APOBEC1: variants seen among roughly 807,000 people sequenced by gnomAD.
APOBEC1 encodes the protein apolipoprotein B mRNA editing enzyme catalytic subunit 1, also known as C->U-editing enzyme APOBEC-1.
APOBEC1 carries 22 observed loss-of-function variants against 26.3 expected under a neutral mutation model. The ratio of observed to expected loss-of-function variants is 0.84; its 90% CI spans 0.60 to 1.19. APOBEC1 has a LOEUF of 1.19. Ranked by LOEUF, APOBEC1 falls within the 50% of genes most tolerant of loss-of-function variation. The pLI is 0.00. For synonymous variants in APOBEC1, 77 were observed against 95.3 expected, an observed-to-expected ratio of 0.81 and a Z score of 1.12; for missense variants, 253 against 289.0, an observed-to-expected ratio of 0.88 and a Z score of 0.90.
chr12:7,659,021 G>A (rs1215810242), intron 1 of APOBEC1, among the ~76,000 whole-genome samples: 6 of 147,680 alleles, frequency 4.1e-5, no homozygotes, highest in Admixed American at 2.7e-4. Flanking sequence ...TAGGCCGGGC[G>A]CGGTGGCTCA....
intron 1 of APOBEC1, among the ~76,000 whole-genome samples, chr12:7,658,278 G>A (rs1344362987): frequency 6.6e-6 from 1 of 152,116 alleles, no homozygotes; most frequent in African/African-American, 2.4e-5. Flanking sequence ...TGGCCAGGCT[G>A]GTCTCAAACT....
At chr12:7,664,043 CGTT>C (rs964406243) in intron 1 of APOBEC1, among the ~76,000 whole-genome samples, 1 of 152,012 alleles carries the variant, frequency 6.6e-6, no homozygotes, top group African/African-American at 2.4e-5. Flanking sequence ...TTAATAGAGA[CGTT>C]GTTTCTCCAT....
rs773343167 is a variant in APOBEC1 at position 7,655,404 on chromosome 12, A to G, written c.17-772T>C. Among the ~76,000 whole-genome samples the G allele has an allele frequency of 2.0e-5, 3 of 151,902 alleles. No homozygotes were observed. In the East Asian group the frequency reaches 5.8e-4, roughly 29 times the overall value. ...GTGGCGCATGCCTGTAATCCCAGCT[A>G]CTTGGGAGGCTGAGGCAGGAGAATT... is the stretch of plus-strand genomic sequence containing the variant. On this transcript the variant is annotated intron_variant, in intron 1 of 4. Coordinates refer to ENST00000229304, the MANE Select transcript of APOBEC1 (RefSeq NM_001644.5).
Position 7,657,652 on chromosome 12 carries a change from C to T in APOBEC1, c.17-3020G>A, listed in dbSNP as rs187644053. Among the ~76,000 whole-genome samples, 418 of 151,834 alleles carry T rather than the reference C, an allele frequency of 2.8e-3. 4 individuals are homozygous for T. The highest frequency in any genetic ancestry group is 6.9e-3 in the African/African-American group (287 of 41,472). ...CTTTGGGAGGCCAAGGCAAGATGGT[C>T]GCTTAAGCCTAAGATATCAAGGCCA... is the stretch of plus-strand genomic sequence containing the variant. On this transcript the variant is annotated intron_variant, in intron 1 of 4. Transcript: ENST00000229304.
chr12:7,662,341 G>C (rs1592063127), intron 1 of APOBEC1, among the ~76,000 whole-genome samples: 2 of 152,220 alleles, frequency 1.3e-5, no homozygotes, highest in East Asian at 3.9e-4. Flanking sequence ...CAGCACTTTT[G>C]GGAGGCCAAG....
Position 7,649,504 on chromosome 12 carries a change from C to T in APOBEC1, c.*43G>A. The T allele has an allele frequency of 6.3e-7, 1 of 1,593,436 alleles. No individual in the cohort carries two copies. On this transcript the variant is annotated 3_prime_UTR_variant, in exon 5 of 5. Coordinates refer to ENST00000229304, the MANE Select transcript of APOBEC1 (RefSeq NM_001644.5). ...TGGCATTCACTCTTTAGTGGGTCAT[C>T]ATTGCTTGTTCTTGAATCAGTACAC...
intron 1 of APOBEC1, among the ~76,000 whole-genome samples, chr12:7,661,738 G>T (rs1007640844): frequency 2.0e-5 from 3 of 152,290 alleles, no homozygotes; most frequent in African/African-American, 7.2e-5. Flanking sequence ...GGGACCTCAA[G>T]TGGACACAGA....
At chr12:7,659,597 C>T (rs1410941785) in intron 1 of APOBEC1, among the ~76,000 whole-genome samples, 1 of 151,906 alleles carries the variant, frequency 6.6e-6, no homozygotes, top group Non-Finnish European at 1.5e-5. Context: ...ATCTGTCATA[C>T]TTTGCTGGTG....
At chr12:7,650,938 G>C in intron 4 of APOBEC1, 85 bp downstream of exon 4, 1 of 937,088 alleles carries the variant, frequency 1.1e-6, no homozygotes. Flanking sequence ...TCAAAAAGAA[G>C]ATATGAGTCA....
At chr12:7,659,399 G>A (rs911904621) in intron 1 of APOBEC1, among the ~76,000 whole-genome samples, 22 of 90,950 alleles carry the variant, frequency 2.4e-4, no homozygotes, top group African/African-American at 7.8e-4. Flanking sequence ...ACACACAAAA[G>A]GAACTACCGG....
chr12:7,658,045 C>CTGTTTTGTTCTGTTT (rs1863740164), intron 1 of APOBEC1, among the ~76,000 whole-genome samples: 1 of 149,596 alleles, frequency 6.7e-6, no homozygotes, highest in Non-Finnish European at 1.5e-5. Context: ...TTGATTTGTT[C>CTGTTTTGTTCTGTTT]TGTTTTGTTT....
upstream of APOBEC1, among the ~76,000 whole-genome samples, chr12:7,666,364 G>T (rs1863892236): frequency 6.6e-6 from 1 of 151,574 alleles, no homozygotes; most frequent in South Asian, 2.1e-4. Context: ...CACAATCTTG[G>T]CTCACTGCAA....
Position 7,649,536 on chromosome 12 carries a change from A to C in APOBEC1, c.*11T>G. The C allele has an allele frequency of 6.2e-7, 1 of 1,613,692 alleles. No individual in the cohort carries two copies. The highest frequency in any genetic ancestry group is 8.5e-7 in the Non-Finnish European group (1 of 1,179,784). ...TGTTCTTGAATCAGTACACACACGG[A>C]ATCATCCTATTCATCTCCAAGCCAC... On this transcript the variant is annotated 3_prime_UTR_variant, in exon 5 of 5. Transcript: ENST00000229304.
At chr12:7,658,055 T>C (rs937962091) in intron 1 of APOBEC1, among the ~76,000 whole-genome samples, 1 of 147,866 alleles carries the variant, frequency 6.8e-6, no homozygotes, top group African/African-American at 2.6e-5. Flanking sequence ...CTGTTTTGTT[T>C]TGTTTTGTTT....
At chr12:7,655,962 C>T (rs943329815) in intron 1 of APOBEC1, among the ~76,000 whole-genome samples, 1 of 152,114 alleles carries the variant, frequency 6.6e-6, no homozygotes, top group Non-Finnish European at 1.5e-5. Context: ...CTGGGTGATA[C>T]AGTGAGACCC....
intron 2 of APOBEC1, among the ~76,000 whole-genome samples, chr12:7,653,376 C>T (rs976956605): frequency 6.6e-6 from 1 of 152,046 alleles, no homozygotes; most frequent in Non-Finnish European, 1.5e-5. Context: ...GGTTTCTTCC[C>T]CCAGTCACAT....
chr12:7,654,621 C>T lies in APOBEC1; in HGVS notation c.28G>A (p.Gly10Ser), dbSNP rs148640043. 4,131 of 1,613,710 alleles carry T rather than the reference C, an allele frequency of 2.6e-3. 10 individuals carry two copies. The highest frequency in any genetic ancestry group is 3.1e-3 in the Non-Finnish European group (3,708 of 1,179,738). The change falls in exon 2 of 5, where the codon GGT becomes AGT. Residue 10 changes from glycine to serine, a missense_variant. Transcript: ENST00000229304. ...TATTCTTACCTCAGAGTGGGGTCAC[C>T]GGTTGAAGGACCTGTTGACCAAGAT... Reference protein sequence around the residue: MTSEKGPSTGDPTLRRRIEP... With the variant: MTSEKGPSTSDPTLRRRIEP...
At chr12:7,659,322 A>AATATATATATATATATATATATAT (rs1328982852) in intron 1 of APOBEC1, among the ~76,000 whole-genome samples, 2 of 46,280 alleles carry the variant, frequency 4.3e-5, no homozygotes, top group Non-Finnish European at 6.6e-5. Context: ...AAAAAAAAAA[A>AATATATATATATATATATATATAT]ATATATATAT....
At position 7,649,540 on chromosome 12, in the gene APOBEC1, A is replaced by T; in HGVS notation, c.*7T>A. ...CTTGAATCAGTACACACACGGAATC[A>T]TCCTATTCATCTCCAAGCCACAGAA... On this transcript the variant is annotated 3_prime_UTR_variant, in exon 5 of 5. Transcript: ENST00000229304. 1.2e-6 allele frequency: 2 copies of T among 1,613,914 alleles called. No individual in the cohort carries two copies. Among genetic ancestry groups the T allele is most frequent in the South Asian group, 1.1e-5 (1 of 91,004 alleles).
Sources: allele counts gnomAD v4.1 joint callset (sites outside exome capture counted in the v4.1 genomes callset), GRCh38; gene constraint gnomAD v4.1.1; transcripts MANE v1.5; gene names NCBI Gene and HGNC (gene_info 2026-07-23, HGNC 2026-07-21).